CNIH3: variants seen among roughly 807,000 people sequenced by gnomAD.
CNIH3 encodes protein cornichon homolog 3.
Under a neutral mutation model 24.1 loss-of-function variants are expected in CNIH3, and 14 were observed. That is an observed-to-expected ratio of 0.58 (90% CI 0.38 to 0.91). The LOEUF is 0.91. Among genes scored for constraint, CNIH3 ranks in the 40% least tolerant of loss-of-function variants. CNIH3 has a pLI of 0.00. For synonymous variants in CNIH3, 68 were observed against 73.8 expected (o/e 0.92, Z 0.40); for missense variants, 178 against 196.8 (o/e 0.90, Z 0.57).
intron 2 of CNIH3, among the ~76,000 whole-genome samples, chr1:224,524,442 T>C (rs1470555563): frequency 1.3e-5 from 2 of 152,242 alleles, no homozygotes; most frequent in Admixed American, 1.3e-4. Flanking sequence ...TTGGTTTACA[T>C]TTATCCTTTA....
At chr1:224,687,019 G>A (rs1005374775) in intron 3 of CNIH3, among the ~76,000 whole-genome samples, 15 of 152,164 alleles carry the variant, frequency 9.9e-5, no homozygotes, top group African/African-American at 3.6e-4. Context: ...GCTTCTGGGA[G>A]GTCAAATGCA....
chr1:224,657,015 C>T (rs1361369367), intron 1 of CNIH3, among the ~76,000 whole-genome samples: 1 of 152,108 alleles, frequency 6.6e-6, no homozygotes, highest in East Asian at 1.9e-4. Flanking sequence ...ACAAGTGGAT[C>T]CATTCAGTTG....
chr1:224,561,511 C>T (rs562895798), intron 3 of CNIH3, among the ~76,000 whole-genome samples: 12 of 152,300 alleles, frequency 7.9e-5, no homozygotes, highest in Admixed American at 2.0e-4. Flanking sequence ...CCCTGAGCTG[C>T]GTCTGTCCCT....
intron 1 of CNIH3, among the ~76,000 whole-genome samples, chr1:224,438,685 C>T (rs955825388): frequency 3.3e-5 from 5 of 151,994 alleles, no homozygotes; most frequent in Non-Finnish European, 7.4e-5. Context: ...ACTTGTTGGG[C>T]CTGGGTGGGA....
At chr1:224,637,170 G>A (rs1684127711) in intron 1 of CNIH3, among the ~76,000 whole-genome samples, 1 of 152,026 alleles carries the variant, frequency 6.6e-6, no homozygotes, top group South Asian at 2.1e-4. Flanking sequence ...GGCCAGGCTG[G>A]TCTCGAACTC....
chr1:224,465,510 C>T (rs1000117547), intron 1 of CNIH3, among the ~76,000 whole-genome samples: 4 of 152,222 alleles, frequency 2.6e-5, no homozygotes, highest in African/African-American at 7.2e-5. Flanking sequence ...TTTCCCTCCT[C>T]ATAGCTTTTA....
At chr1:224,470,121 C>G (rs1355914331) in intron 1 of CNIH3, among the ~76,000 whole-genome samples, 1 of 151,552 alleles carries the variant, frequency 6.6e-6, no homozygotes, top group Non-Finnish European at 1.5e-5. Flanking sequence ...CGGGTTCATG[C>G]CATTTTCCTG....
chr1:224,619,966 C>T (rs1487796142), intron 1 of CNIH3, among the ~76,000 whole-genome samples: 2 of 152,344 alleles, frequency 1.3e-5, no homozygotes, highest in African/African-American at 4.8e-5. Context: ...AAGTACTTTA[C>T]AGAGGATCTC....
intron 1 of CNIH3, among the ~76,000 whole-genome samples, chr1:224,666,958 A>G (rs750981500): frequency 1.3e-5 from 2 of 152,172 alleles, no homozygotes; most frequent in African/African-American, 4.8e-5. Context: ...TTGAAATTTC[A>G]TTCCTTCTAC....
At chr1:224,514,888 C>T (rs1286976086), upstream of CNIH3, among the ~76,000 whole-genome samples, 2 of 152,184 alleles carry the variant, frequency 1.3e-5, no homozygotes, top group African/African-American at 4.8e-5. Context: ...CTCTGCCTCC[C>T]ATACTACCTT....
At chr1:224,475,023 C>T (rs1480494150) in intron 1 of CNIH3, among the ~76,000 whole-genome samples, 5 of 132,868 alleles carry the variant, frequency 3.8e-5, no homozygotes, top group Admixed American at 2.5e-4. Context: ...CCAGCCTGAG[C>T]GACAGAAGGA....
rs1684807092 is a variant in CNIH3 at position 224,650,378 on chromosome 1, G to A, written c.82-30580G>A. 3.3e-5 allele frequency among the ~76,000 whole-genome samples: 5 copies of A among 152,290 alleles called. No individual in the cohort carries two copies. In the South Asian group the frequency reaches 1.0e-3, roughly 32 times the overall value. On this transcript the variant is annotated intron_variant, in intron 1 of 5. Coordinates refer to ENST00000272133, the MANE Select transcript of CNIH3 (RefSeq NM_152495.2). ...GCTGAGTACATACTTCCTGGAGGTTGCACAAACTAACCAATTTGATTTTAA... is the reference window on the plus strand; with the variant it reads ...GCTGAGTACATACTTCCTGGAGGTTACACAAACTAACCAATTTGATTTTAA...
chr1:224,546,973 T>TAGG (rs1679726395), intron 3 of CNIH3: 2 of 922,368 alleles, frequency 2.2e-6, no homozygotes, highest in Non-Finnish European at 2.6e-6. Context: ...ACCACTGAAT[T>TAGG]AGGACTTTTG....
At chr1:224,730,284 AAAG>A (rs1405466644) in intron 3 of CNIH3, 175 bp from the exon 4 acceptor site, 2 of 562,404 alleles carry the variant, frequency 3.6e-6, no homozygotes, top group Non-Finnish European at 6.4e-6. Flanking sequence ...AGTGCCATAA[AAAG>A]AAGAACTTAC....
intron 4 of CNIH3, among the ~76,000 whole-genome samples, chr1:224,571,200 A>G (rs1656168845): frequency 6.6e-6 from 1 of 152,122 alleles, no homozygotes; most frequent in African/African-American, 2.4e-5. Flanking sequence ...TAACCCATCA[A>G]ATTTCCCCCA....
intron 3 of CNIH3, among the ~76,000 whole-genome samples, chr1:224,601,068 T>C (rs1682187368): frequency 6.6e-6 from 1 of 152,048 alleles, no homozygotes; most frequent in Admixed American, 6.6e-5. Flanking sequence ...GGAGTGAAAA[T>C]TTATTAAGAA....
intron 1 of CNIH3, among the ~76,000 whole-genome samples, chr1:224,465,858 T>A (rs1676132519): frequency 6.6e-6 from 1 of 151,892 alleles, no homozygotes; most frequent in Non-Finnish European, 1.5e-5. Context: ...TGAAACCCCA[T>A]CTCCACTAAA....
At chr1:224,694,446 C>T (rs1468470322) in intron 3 of CNIH3, among the ~76,000 whole-genome samples, 1 of 152,180 alleles carries the variant, frequency 6.6e-6, no homozygotes, top group Non-Finnish European at 1.5e-5. Flanking sequence ...GATGATTAAA[C>T]ATACGACTCC....
intron 1 of CNIH3, among the ~76,000 whole-genome samples, chr1:224,465,329 G>A (rs1035901576): frequency 5.3e-5 from 8 of 152,136 alleles, no homozygotes; most frequent in South Asian, 2.1e-4. Context: ...GGCTGGTCTC[G>A]AACTCCCGAC....
Sources: gnomAD v4.1 joint callset for allele counts (sites outside exome capture counted in the v4.1 genomes callset) on GRCh38, gnomAD v4.1.1 for gene constraint, MANE v1.5 for transcripts, NCBI Gene and HGNC (gene_info 2026-07-23, HGNC 2026-07-21) for gene names.